The following DYRK4 variants were observed in gnomAD, a reference collection of about 807,000 sequenced individuals.
DYRK4 encodes the protein dual specificity tyrosine phosphorylation regulated kinase 4.
A neutral mutation model predicts 68.3 loss-of-function variants in DYRK4; 64 were observed. That is an observed-to-expected ratio of 0.94 (90% confidence interval 0.77 to 1.15). The LOEUF is 1.15. Among genes scored for constraint, DYRK4 ranks in the 50% most tolerant of loss-of-function variants. The probability of loss-of-function intolerance (pLI) is 0.00; values close to 1 mark genes in which losing one functional copy is unlikely to be tolerated. For synonymous variants in DYRK4, 274 were observed against 289.9 expected (o/e 0.95, Z 0.56); for missense variants, 740 against 764.7 (o/e 0.97, Z 0.38).
intron 2 of DYRK4, among the ~76,000 whole-genome samples, chr12:4,568,632 C>G (rs1040403359): frequency 2.0e-5 from 3 of 152,082 alleles, no homozygotes; most frequent in African/African-American, 4.8e-5. Context: ...GTGATCTGCC[C>G]GCCTCGGCCT....
intron 2 of DYRK4, among the ~76,000 whole-genome samples, chr12:4,583,487 C>T (rs942388128): frequency 1.3e-5 from 2 of 152,082 alleles, no homozygotes; most frequent in Non-Finnish European, 1.5e-5. Flanking sequence ...GTAAGCCACT[C>T]GCTACCCCGT....
rs867633350 is a variant in DYRK4 at position 4,596,188 on chromosome 12, G to A, written c.667G>A (p.Glu223Lys). The stretch of plus-strand genomic sequence containing the variant: ...CATTGCCTACCGCTATGAAGTTCTG[G>A]AGACAATCGGGAAGGGGTCCTTTGG... Reference protein sequence around the residue: ...DHIAYRYEVLETIGKGSFGQV... With the variant: ...DHIAYRYEVLKTIGKGSFGQV... The change falls in exon 7 of 15, where the codon GAG (glutamate) becomes AAG (lysine). Residue 223 changes from glutamate (E) to lysine (K), a missense_variant. Transcript: ENST00000543431. 6.2e-7 allele frequency: 1 copy of A among 1,614,214 alleles called. No homozygotes were observed. The highest frequency in any genetic ancestry group is 8.5e-7 in the Non-Finnish European group (1 of 1,180,046).
chr12:4,602,036 C>T lies in DYRK4; in HGVS notation c.1126+2248C>T, dbSNP rs560742787. ...TTTATTTTCACAAGGCCTCTTAGAA[C>T]CTAATTGGAAAGTTATCTGCATGTT... On this transcript the variant is annotated intron_variant, in intron 10 of 14. Coordinates refer to ENST00000543431, the MANE Select transcript of DYRK4 (RefSeq NM_001394779.1). The T allele has an allele frequency of 4.2e-4, 156 of 372,622 alleles. 1 individual carries two copies. Among genetic ancestry groups the T allele is most frequent in the African/African-American group, 3.1e-3 (145 of 46,800 alleles). The allele number at this position is 372,622 out of a possible 1,614,324, so 23.1% of individuals were successfully genotyped here.
At chr12:4,580,382 T>C (rs975009363) in intron 2 of DYRK4, among the ~76,000 whole-genome samples, 10 of 152,168 alleles carry the variant, frequency 6.6e-5, no homozygotes, top group Non-Finnish European at 1.5e-4. Context: ...AGGCGGCTCC[T>C]CCCCATCTAG....
intron 13 of DYRK4, 100 bp downstream of exon 13, chr12:4,610,384 A>T: frequency 7.9e-7 from 1 of 1,259,466 alleles, no homozygotes; most frequent in Non-Finnish European, 1.1e-6. Flanking sequence ...GATAGTTATA[A>T]AAGTAACAAG....
chr12:4,602,769 G>T, intron 10 of DYRK4: 1 of 1,527,720 alleles, frequency 6.5e-7, no homozygotes, highest in Non-Finnish European at 9.1e-7. Flanking sequence ...CTCTCTACCA[G>T]TATTGTCCTA....
rs1944952325 is a variant in DYRK4 at position 4,591,356 on chromosome 12, AGAGCTAAGCTGCGCTGGAGT to A, written c.463+71_463+90del. On this transcript the variant is annotated intron_variant, in intron 5 of 14. Coordinates refer to ENST00000543431, the MANE Select transcript of DYRK4 (RefSeq NM_001394779.1). This position sits in a 1 kb window ranked among gnomAD's most constrained non-coding sequence, Gnocchi z 4.1. ...GTGCTTATGGAAGGTCGGGGTGTTA[AGAGCTAAGCTGCGCTGGAGT>A]GAGCTAAGCTGCCAGGTGTCAGAGT... 6 of 1,593,218 alleles carry A rather than the reference AGAGCTAAGCTGCGCTGGAGT, an allele frequency of 3.8e-6. No individual in the cohort carries two copies. Among genetic ancestry groups the A allele is most frequent in the Non-Finnish European group, 5.1e-6 (6 of 1,171,176 alleles).
Position 4,613,319 on chromosome 12 carries a change from G to A in DYRK4, c.1667-196G>A, listed in dbSNP as rs568575638. 5.3e-5 allele frequency among the ~76,000 whole-genome samples: 8 copies of A among 152,300 alleles called. No homozygotes were observed. Among genetic ancestry groups the A allele is most frequent in the South Asian group, 2.1e-4 (1 of 4,832 alleles). On this transcript the variant is annotated intron_variant, in intron 14 of 14. Coordinates refer to ENST00000543431, the MANE Select transcript of DYRK4 (RefSeq NM_001394779.1). The surrounding 1 kb of genome is among the most constrained non-coding windows in gnomAD (Gnocchi z 4.0). Reference sequence around the variant, plus strand: ...AGAATAAAGCCTGTTCTCCAGGGTCGCTGAAATGATCAGACGAATTAGTAA... The same window carrying A: ...AGAATAAAGCCTGTTCTCCAGGGTCACTGAAATGATCAGACGAATTAGTAA...
intron 7 of DYRK4, 101 bp from the exon 8 acceptor site, chr12:4,596,488 C>T: frequency 1.3e-6 from 2 of 1,523,694 alleles, no homozygotes; most frequent in Non-Finnish European, 1.8e-6. Flanking sequence ...ACTAGACAGT[C>T]TTGTTGGGGT....
In DYRK4 at chr12:4,604,983, C is replaced by G. The variant is rs1945125539; in HGVS notation, c.1196C>G (p.Ala399Gly). The change falls in exon 11 of 15, where the codon GCC (alanine) becomes GGC (glycine). Residue 399 changes from alanine to glycine, a missense_variant. This residue lies in a region of DYRK4 where 614 missense variants were observed against 603.7 expected (regional missense o/e 1.02). Transcript: ENST00000543431. ...ATCCTGGGCCACCCCTACGACGTGG[C>G]CATTGACATGTGGAGCCTGGGCTGC... ...EVILGHPYDVAIDMWSLGCIT... is the reference protein window; with the variant it reads ...EVILGHPYDVGIDMWSLGCIT... The G allele has an allele frequency of 1.2e-6, 2 of 1,614,018 alleles. No individual in the cohort carries two copies. Among genetic ancestry groups the G allele is most frequent in the East Asian group, 4.5e-5 (2 of 44,862 alleles).
At chr12:4,590,192 TTAAGAA>T in intron 3 of DYRK4, 132 bp from the exon 4 acceptor site, 1 of 1,396,200 alleles carries the variant, frequency 7.2e-7, no homozygotes, top group East Asian at 2.7e-5. Context: ...GCCAAGAACT[TTAAGAA>T]TAGGTTTAGG....
In DYRK4 at chr12:4,611,263, A is replaced by G. The variant is rs142072506; in HGVS notation, c.1490+979A>G. 8.7e-3 allele frequency among the ~76,000 whole-genome samples: 1,327 copies of G among 152,326 alleles called. 17 individuals are homozygous for G. Among genetic ancestry groups the G allele is most frequent in the Non-Finnish European group, 0.017 (1,128 of 68,028 alleles). ...TCGTAGGGGGTCATGCTATTCACTC[A>G]TCAGAATAATCAAGGTAGGGAAGGA... On this transcript the variant is annotated intron_variant, in intron 13 of 14. Transcript: ENST00000543431.
At position 4,599,065 on chromosome 12, in the gene DYRK4, C is replaced by A; in HGVS notation, c.943C>A (p.Gln315Lys). The A allele has an allele frequency of 1.2e-6, 2 of 1,614,110 alleles. No homozygotes were observed. Among genetic ancestry groups the A allele is most frequent in the Non-Finnish European group, 1.7e-6 (2 of 1,180,030 alleles). ...LYELMKNNNF[Q>K]GFSLSIVRRF... ...TGAGTTGATGAAGAATAACAACTTT[C>A]AAGGCTTCAGTCTGTCCATAGTTCG... Residue 315 changes from glutamine to lysine, a missense_variant, in exon 9 of 15, where the codon CAA becomes AAA. Coordinates refer to ENST00000543431, the MANE Select transcript of DYRK4 (RefSeq NM_001394779.1).
At chr12:4,605,578 A>C (rs893263649) in intron 11 of DYRK4, among the ~76,000 whole-genome samples, 14 of 152,164 alleles carry the variant, frequency 9.2e-5, no homozygotes, top group Non-Finnish European at 2.9e-5. Flanking sequence ...TAGCTTTAAA[A>C]ATTTCCTGAT....
intron 3 of DYRK4, among the ~76,000 whole-genome samples, chr12:4,589,338 G>A (rs148562637): frequency 2.0e-5 from 3 of 152,106 alleles, no homozygotes; most frequent in African/African-American, 7.2e-5. Context: ...GTCCCCTCAG[G>A]CATTTATCCT....
At chr12:4,581,190 T>C (rs2137342382) in intron 2 of DYRK4, among the ~76,000 whole-genome samples, 1 of 152,152 alleles carries the variant, frequency 6.6e-6, no homozygotes. Flanking sequence ...GGGCCTGACA[T>C]GATGAGAATA....
chr12:4,567,940 C>A lies in DYRK4; in HGVS notation c.39-15C>A, dbSNP rs1307524068. On this transcript the variant is annotated splice_polypyrimidine_tract_variant and intron_variant, in intron 1 of 14. Coordinates refer to ENST00000543431, the MANE Select transcript of DYRK4 (RefSeq NM_001394779.1). ...ACTCCTCCTGCCAATTTATTTTTTACTTTCCCTCATGCAGGACTCAAATGG... is the reference window on the plus strand; with the variant it reads ...ACTCCTCCTGCCAATTTATTTTTTAATTTCCCTCATGCAGGACTCAAATGG... 3 of 1,533,826 alleles carry A rather than the reference C, an allele frequency of 2.0e-6. No individual in the cohort carries two copies. The highest frequency in any genetic ancestry group is 2.6e-6 in the Non-Finnish European group (3 of 1,145,034).
At chr12:4,586,705 T>TACACACACACACACAC (rs527544594) in intron 2 of DYRK4, among the ~76,000 whole-genome samples, 1 of 77,518 alleles carries the variant, frequency 1.3e-5, no homozygotes, top group African/African-American at 4.5e-5. Context: ...CTGGGCTGCG[T>TACACACACACACACAC]ACACACACAC....
intron 10 of DYRK4, among the ~76,000 whole-genome samples, chr12:4,600,273 T>G (rs1945066297): frequency 6.6e-6 from 1 of 152,022 alleles, no homozygotes; most frequent in South Asian, 2.1e-4. Flanking sequence ...TTATTTAATA[T>G]TGTGTTCTTT....
Sources: allele counts gnomAD v4.1 joint callset (sites outside exome capture counted in the v4.1 genomes callset), GRCh38; gene constraint gnomAD v4.1.1; regional missense constraint gnomAD v4.1.1; non-coding constraint Gnocchi (gnomAD v3.1); transcripts MANE v1.5; gene names NCBI Gene and HGNC (gene_info 2026-07-23, HGNC 2026-07-21).